THADA: variants seen among roughly 807,000 people sequenced by gnomAD.
The protein encoded by THADA is THADA armadillo repeat containing, also known as tRNA (32-2'-O)-methyltransferase regulator THADA.
In THADA, 213 loss-of-function variants were observed where a neutral mutation model predicts 219.8. That is an observed-to-expected ratio of 0.97 (90% CI 0.87 to 1.09). The LOEUF (loss-of-function observed/expected upper bound fraction) is 1.09. Ranked by LOEUF, THADA falls within the 50% of genes least tolerant of loss-of-function variation. THADA has a pLI of 0.00. For synonymous variants in THADA, 1,018 were observed against 828.9 expected (o/e 1.23, Z -3.92); for missense variants, 2,956 against 2,311.3 (o/e 1.28, Z -5.72).
intron 23 of THADA, among the ~76,000 whole-genome samples, chr2:43,506,280 C>T (rs1573984329): frequency 6.6e-6 from 1 of 152,122 alleles, no homozygotes; most frequent in Non-Finnish European, 1.5e-5. Context: ...ATACTGCAAA[C>T]ACCAAAGAGG....
intron 17 of THADA, among the ~76,000 whole-genome samples, chr2:43,555,313 T>C (rs1697214815): frequency 6.6e-6 from 1 of 151,582 alleles, no homozygotes; most frequent in Non-Finnish European, 1.5e-5. Flanking sequence ...ATGAGTGTTA[T>C]TGTATGACTT....
intron 21 of THADA, among the ~76,000 whole-genome samples, chr2:43,540,166 G>C (rs1400300221): frequency 6.6e-6 from 1 of 152,196 alleles, no homozygotes; most frequent in African/African-American, 2.4e-5. Context: ...TGGCACTACA[G>C]CCAGTCACCA....
chr2:43,586,516 T>C (rs1485704197), intron 6 of THADA, 67 bp from the exon 7 acceptor site: 1 of 1,416,560 alleles, frequency 7.1e-7, no homozygotes, highest in Non-Finnish European at 9.5e-7. Context: ...TAAAATAAAA[T>C]ATTTTATATC....
At chr2:43,561,791 G>A (rs1698095326) in intron 15 of THADA, among the ~76,000 whole-genome samples, 1 of 152,090 alleles carries the variant, frequency 6.6e-6, no homozygotes, top group South Asian at 2.1e-4. Flanking sequence ...ATGGTGAACA[G>A]CAGTGATGAC....
chr2:43,294,618 G>T (rs1413478699), intron 31 of THADA, among the ~76,000 whole-genome samples: 1 of 152,094 alleles, frequency 6.6e-6, no homozygotes, highest in Non-Finnish European at 1.5e-5. Flanking sequence ...GCCACTGGGG[G>T]GTTATTTTAA....
At chr2:43,504,162 G>A (rs1689365759) in intron 24 of THADA, among the ~76,000 whole-genome samples, 1 of 151,958 alleles carries the variant, frequency 6.6e-6, no homozygotes, top group Non-Finnish European at 1.5e-5. Flanking sequence ...TGATAGTCTA[G>A]GAAAATAGAA....
chr2:43,242,476 G>A (rs80323638), intron 36 of THADA, among the ~76,000 whole-genome samples: 9,267 of 152,182 alleles, frequency 0.061, 392 homozygotes, highest in Non-Finnish European at 0.097. Flanking sequence ...CAGCACTCCA[G>A]CACCTATATT....
Position 43,382,868 on chromosome 2 carries a change from A to G in THADA, c.4227+15103T>C, listed in dbSNP as rs1419787071. Among the ~76,000 whole-genome samples, 4 of 152,194 alleles carry G rather than the reference A, an allele frequency of 2.6e-5. 1 individual carries two copies. The highest frequency in any genetic ancestry group is 5.9e-5 in the Non-Finnish European group (4 of 68,018). ...ACAGTCTTCCAAGCACACAATTTAC[A>G]AACTACCACATTACTATACCACAAA... On this transcript the variant is annotated intron_variant, in intron 29 of 37. Transcript: ENST00000405975.
In THADA at chr2:43,574,563, A is replaced by G. The variant is rs1478119181; in HGVS notation, c.1502T>C (p.Met501Thr). Residue 501 changes from methionine to threonine, a missense_variant, in exon 11 of 38, where the codon ATG becomes ACG. Physicochemically the swap from Met to Thr is moderately conservative, Grantham distance 81. Transcript: ENST00000405975. ...CAAATGACTCTTATGATTTCTAAACATGGTTTCCAAGAGGTCACTTGCATA... is the reference window on the plus strand; with the variant it reads ...CAAATGACTCTTATGATTTCTAAACGTGGTTTCCAAGAGGTCACTTGCATA... ...VPYASDLLETMFRNHKSHLKS... is the reference protein window; with the variant it reads ...VPYASDLLETTFRNHKSHLKS... 4.3e-6 allele frequency: 7 copies of G among 1,613,898 alleles called. No homozygotes were observed. The highest frequency in any genetic ancestry group is 5.1e-6 in the Non-Finnish European group (6 of 1,179,900).
chr2:43,541,435 T>G (rs1695297494), intron 20 of THADA, 119 bp from the exon 21 acceptor site: 1 of 1,127,864 alleles, frequency 8.9e-7, no homozygotes, highest in South Asian at 1.4e-5. Context: ...CGATTTGTCA[T>G]GTTATATTTA....
chr2:43,498,997 T>C (rs1437091384), intron 24 of THADA, 42 bp from the exon 25 acceptor site: 7 of 1,541,874 alleles, frequency 4.5e-6, no homozygotes, highest in Non-Finnish European at 5.3e-6. Flanking sequence ...TTGAAAACCA[T>C]GGCTAATTCT....
At position 43,584,823 on chromosome 2, in the gene THADA, A is replaced by G. The variant is rs566725215; in HGVS notation, c.533+1578T>C. ...TAAATAAAGGATTGAAGACAGGAAG[A>G]CTGAATACCTCCGAGCCAGCAGACA... On this transcript the variant is annotated intron_variant, in intron 7 of 37. Coordinates refer to ENST00000405975, the MANE Select transcript of THADA (RefSeq NM_022065.5). 1.3e-5 allele frequency among the ~76,000 whole-genome samples: 2 copies of G among 152,342 alleles called. 1 individual carries two copies. Among genetic ancestry groups the G allele is most frequent in the South Asian group, 4.1e-4 (2 of 4,830 alleles).
At chr2:43,380,628 C>G (rs911185096) in intron 29 of THADA, among the ~76,000 whole-genome samples, 2 of 152,060 alleles carry the variant, frequency 1.3e-5, no homozygotes, top group South Asian at 2.1e-4. Flanking sequence ...TAGCTCTGTC[C>G]ATTGAGAGGG....
chr2:43,368,557 T>G (rs1336611933), intron 29 of THADA, among the ~76,000 whole-genome samples: 1 of 151,874 alleles, frequency 6.6e-6, no homozygotes, highest in Non-Finnish European at 1.5e-5. Context: ...CCAGCCACCA[T>G]GTCCGGCTAT....
chr2:43,478,706 A>G (rs1288587872), intron 26 of THADA, among the ~76,000 whole-genome samples: 1 of 152,260 alleles, frequency 6.6e-6, no homozygotes, highest in African/African-American at 2.4e-5. Flanking sequence ...AGCAGTACTT[A>G]GAAATAAAGA....
rs1689568496 is a variant in THADA, at chr2:43,505,606, G to GT, written c.3621+15dup. ...CAAAAAACAACACTGGAGGGTTTGT[G>GT]TATTTCCATGATTACCTGGGGGACT... On this transcript the variant is annotated intron_variant, in intron 24 of 37. Transcript: ENST00000405975. 1.3e-6 allele frequency: 2 copies of GT among 1,526,436 alleles called. No individual in the cohort carries two copies. The highest frequency in any genetic ancestry group is 2.7e-5 in the African/African-American group (2 of 73,096). 94.6% of individuals were successfully genotyped at this position (1,526,436 alleles called of 1,614,324 possible).
At chr2:43,432,882 T>C (rs895265313) in intron 26 of THADA, among the ~76,000 whole-genome samples, 3 of 152,264 alleles carry the variant, frequency 2.0e-5, no homozygotes, top group Non-Finnish European at 4.4e-5. Context: ...TCCTTGGTCA[T>C]ATATATGCAT....
Position 43,299,046 on chromosome 2 carries a change from A to C in THADA, c.4439-5833T>G, listed in dbSNP as rs184437547. On this transcript the variant is annotated intron_variant, in intron 31 of 37. Transcript: ENST00000405975. ...CCTAATGCAGTCAACACACAGATGCAGTTTATTCAGTGTCCCCAAGGGAAA... is the reference window on the plus strand; with the variant it reads ...CCTAATGCAGTCAACACACAGATGCCGTTTATTCAGTGTCCCCAAGGGAAA... Among the ~76,000 whole-genome samples, 1,120 of 152,290 alleles carry C rather than the reference A, an allele frequency of 7.4e-3. 8 individuals are homozygous for C. The highest frequency in any genetic ancestry group is 0.025 in the South Asian group (121 of 4,830).
chr2:43,464,947 A>G (rs1684057931), intron 26 of THADA, among the ~76,000 whole-genome samples: 1 of 152,162 alleles, frequency 6.6e-6, no homozygotes, highest in Non-Finnish European at 1.5e-5. Context: ...TTGGCATGAC[A>G]AGAACAGGGG....
Sources: allele counts gnomAD v4.1 joint callset (sites outside exome capture counted in the v4.1 genomes callset), GRCh38; gene constraint gnomAD v4.1.1; transcripts MANE v1.5; gene names NCBI Gene and HGNC (gene_info 2026-07-23, HGNC 2026-07-21).